Variants in CNTN4 observed in about 807,000 individuals in gnomAD.
The protein encoded by CNTN4 is contactin-4.
In CNTN4, 77 loss-of-function variants were observed where a neutral mutation model predicts 122.5. The observed-to-expected ratio is 0.63, with a 90% CI of 0.52 to 0.76. The LOEUF is 0.76. Ranked by LOEUF, CNTN4 falls within the 30% of genes least tolerant of loss-of-function variation. The pLI is 0.00. For missense variants in CNTN4, 1,256 were observed against 1,259.1 expected, an observed-to-expected ratio of 1.00 and a Z score of 0.04; for synonymous variants, 512 against 447.0, an observed-to-expected ratio of 1.15 and a Z score of -1.83.
intron 13 of CNTN4, among the ~76,000 whole-genome samples, chr3:2,980,201 T>G (rs537769848): frequency 6.6e-6 from 1 of 152,364 alleles, no homozygotes; most frequent in Admixed American, 6.5e-5. Flanking sequence ...AGGGAACAAC[T>G]GCTTCTCTAT....
chr3:3,027,218 T>C (rs1169496679), intron 15 of CNTN4, among the ~76,000 whole-genome samples: 1 of 152,210 alleles, frequency 6.6e-6, no homozygotes, highest in Non-Finnish European at 1.5e-5. Flanking sequence ...GTTTTTGCAG[T>C]TGAGTCACAG....
intron 13 of CNTN4, among the ~76,000 whole-genome samples, chr3:2,976,831 A>G (rs1693459108): frequency 6.6e-6 from 1 of 152,228 alleles, no homozygotes; most frequent in Admixed American, 6.5e-5. Context: ...AATTTTATGA[A>G]AAGAGATAGG....
At chr3:2,729,742 G>A (rs1026493177) in intron 4 of CNTN4, among the ~76,000 whole-genome samples, 19 of 151,474 alleles carry the variant, frequency 1.3e-4, no homozygotes, top group South Asian at 2.1e-4. Context: ...CTGAAACCCC[G>A]TCTCTACTAA....
intron 3 of CNTN4, among the ~76,000 whole-genome samples, chr3:2,347,781 T>C (rs573514744): frequency 8.3e-5 from 12 of 144,700 alleles, no homozygotes; most frequent in Non-Finnish European, 1.7e-4. Flanking sequence ...ACTGCACGGC[T>C]ACTCCAAATG....
At chr3:2,516,621 C>T (rs2077046384) in intron 3 of CNTN4, among the ~76,000 whole-genome samples, 2 of 152,052 alleles carry the variant, frequency 1.3e-5, no homozygotes, top group South Asian at 4.1e-4. Context: ...CATGTCTTCA[C>T]CTCTATTCCA....
chr3:2,668,246 T>C (rs373187635), intron 4 of CNTN4, among the ~76,000 whole-genome samples: 1 of 152,036 alleles, frequency 6.6e-6, no homozygotes, highest in East Asian at 1.9e-4. Context: ...CTTCCATTTG[T>C]TTGTGTCCTC....
intron 3 of CNTN4, among the ~76,000 whole-genome samples, chr3:2,406,090 G>A (rs1397009475): frequency 6.6e-6 from 1 of 151,756 alleles, no homozygotes; most frequent in Non-Finnish European, 1.5e-5. Flanking sequence ...TTGCAGATGA[G>A]ATACACTGGC....
At chr3:2,303,035 A>G (rs138022284) in intron 2 of CNTN4, among the ~76,000 whole-genome samples, 2,793 of 152,280 alleles carry the variant, frequency 0.018, 41 homozygotes, top group African/African-American at 0.041. Flanking sequence ...CACAGTTTAC[A>G]TATATAATGA....
At chr3:2,250,288 C>T (rs576311781) in intron 2 of CNTN4, among the ~76,000 whole-genome samples, 9 of 151,868 alleles carry the variant, frequency 5.9e-5, no homozygotes, top group Admixed American at 1.3e-4. Flanking sequence ...TAATTAATAG[C>T]GAAATGTGAC....
chr3:2,261,062 A>G (rs1327039607), intron 2 of CNTN4, among the ~76,000 whole-genome samples: 3 of 152,132 alleles, frequency 2.0e-5, no homozygotes, highest in Non-Finnish European at 4.4e-5. Context: ...AATACTGTGT[A>G]GCATATTCAC....
intron 2 of CNTN4, among the ~76,000 whole-genome samples, chr3:2,279,218 G>C (rs957510876): frequency 6.6e-6 from 1 of 152,094 alleles, no homozygotes; most frequent in Admixed American, 6.5e-5. Flanking sequence ...ATAATGAGGG[G>C]CTGGATAATT....
At chr3:2,973,506 G>T (rs1693129696) in intron 13 of CNTN4, among the ~76,000 whole-genome samples, 1 of 152,006 alleles carries the variant, frequency 6.6e-6, no homozygotes, top group Non-Finnish European at 1.5e-5. Flanking sequence ...TTTTGGGGGA[G>T]AATGTTATAA....
intron 2 of CNTN4, among the ~76,000 whole-genome samples, chr3:2,295,026 C>T (rs931590704): frequency 7.2e-5 from 11 of 151,888 alleles, no homozygotes; most frequent in Non-Finnish European, 1.2e-4. Context: ...TTTATGGCTG[C>T]ATAGTATTCC....
chr3:2,865,069 C>T (rs1379348188), intron 7 of CNTN4, among the ~76,000 whole-genome samples: 1 of 152,102 alleles, frequency 6.6e-6, no homozygotes, highest in African/African-American at 2.4e-5. Context: ...TTTCCTCCCC[C>T]AGATTTTAGT....
chr3:2,442,909 G>A (rs1255667606), intron 3 of CNTN4, among the ~76,000 whole-genome samples: 1 of 152,050 alleles, frequency 6.6e-6, no homozygotes, highest in Non-Finnish European at 1.5e-5. Flanking sequence ...ATTTCCTAGA[G>A]GAGGAAAAAG....
Position 2,633,484 on chromosome 3 carries a change from C to T in CNTN4, c.55+61926C>T, listed in dbSNP as rs1489929068. On this transcript the variant is annotated intron_variant, in intron 4 of 24. Transcript: ENST00000418658. ...ATTTCAGCATGGTGGACTTTGGGTC[C>T]ATAAACACATAGGCTTCTCACGTTT... Among the ~76,000 whole-genome samples the T allele has an allele frequency of 4.6e-5, 7 of 152,270 alleles. No individual in the cohort carries two copies. In the East Asian group the frequency reaches 1.4e-3, roughly 29 times the overall value.
In CNTN4 at chr3:3,030,934, G is replaced by C; in HGVS notation, c.1742G>C (p.Ser581Thr). 1 of 1,614,084 alleles carries C rather than the reference G, an allele frequency of 6.2e-7. No homozygotes were observed. Among genetic ancestry groups the C allele is most frequent in the South Asian group, 1.1e-5 (1 of 91,086 alleles). The change falls in exon 16 of 25, where the codon AGT (serine) becomes ACT (threonine). Residue 581 changes from serine to threonine, a missense_variant. Ser to Thr is a moderately conservative substitution (Grantham distance 58, BLOSUM62 1). Transcript: ENST00000418658. ...AAATATGTCTGCATGGTCCAAACAA[G>C]TGTGGACAGGCTATCTGCTGCTGCA... ...AGKYVCMVQT[S>T]VDRLSAAADL...
chr3:3,029,580 T>C (rs1460968970), intron 15 of CNTN4, among the ~76,000 whole-genome samples: 1 of 152,208 alleles, frequency 6.6e-6, no homozygotes, highest in Non-Finnish European at 1.5e-5. Context: ...CACTCTGTAC[T>C]GAAACGATGG....
chr3:2,823,742 A>G (rs541237839), intron 7 of CNTN4, among the ~76,000 whole-genome samples: 48 of 152,278 alleles, frequency 3.2e-4, no homozygotes, highest in Middle Eastern at 3.4e-3. Context: ...CTTCCTTCCA[A>G]TATACGAAAA....
Sources: allele counts gnomAD v4.1 joint callset (sites outside exome capture counted in the v4.1 genomes callset), GRCh38; gene constraint gnomAD v4.1.1; transcripts MANE v1.5; gene names NCBI Gene and HGNC (gene_info 2026-07-23, HGNC 2026-07-21).